The following CFD variants were observed in gnomAD, a reference collection of about 807,000 sequenced individuals.
CFD encodes C3 convertase activator.
A neutral mutation model predicts 21.1 loss-of-function variants in CFD; 24 were observed. That is an observed-to-expected ratio of 1.14 (90% CI 0.82 to 1.60). CFD has a LOEUF of 1.60. CFD is among the 40% of genes most tolerant of loss of function. The pLI, the probability that CFD is intolerant of heterozygous loss-of-function variation, is 0.00. For missense variants in CFD, 535 were observed against 383.3 expected (o/e 1.40, Z -3.31); for synonymous variants, 242 against 175.9 (o/e 1.38, Z -2.97).
At position 860,751 on chromosome 19, in the gene CFD, G is replaced by T; in HGVS notation, c.190G>T (p.Ala64Ser). ...GGTGGCGGAGCAGTGGGTGCTGAGC[G>T]CGGCGCACTGCCTGGAGGACGCGTG... is the stretch of plus-strand genomic sequence containing the variant. ...VLVAEQWVLS[A>S]AHCLEDAADG... is the part of the protein sequence containing the mutation. Residue 64 changes from alanine to serine, a missense_variant, in exon 2 of 5, where the codon GCG becomes TCG. Coordinates refer to ENST00000327726, the MANE Select transcript of CFD (RefSeq NM_001928.4). The T allele has an allele frequency of 1.3e-6, 2 of 1,567,266 alleles. No individual in the cohort carries two copies. The highest frequency in any genetic ancestry group is 1.7e-6 in the Non-Finnish European group (2 of 1,165,908).
Position 861,850 on chromosome 19 carries a change from T to C in CFD, c.509T>C (p.Leu170Pro), listed in dbSNP as rs2035800359. Residue 170 changes from leucine (L) to proline (P), a missense_variant, in exon 4 of 5, where the codon CTC (leucine) becomes CCC (proline). Physicochemically the swap from Leu to Pro is moderately conservative, Grantham distance 98. Transcript: ENST00000327726. ...CGCCCGGACAGCCTGCAGCACGTGC[T>C]CTTGCCAGTGCTGGACCGCGCCACC... The part of the protein sequence containing the change: ...GRRPDSLQHV[L>P]LPVLDRATCN... The C allele has an allele frequency of 1.9e-6, 3 of 1,599,268 alleles. No individual in the cohort carries two copies. The highest frequency in any genetic ancestry group is 1.7e-6 in the Non-Finnish European group (2 of 1,178,296).
Position 860,966 on chromosome 19 carries a change from C to G in CFD, c.318C>G (p.Ser106Arg). ...DVLRAVPHPDSQPDTIDHDLL... is the reference protein window; with the variant it reads ...DVLRAVPHPDRQPDTIDHDLL... ...TCCGCGCAGTGCCCCACCCGGACAGCCAGCCCGACACCATCGACCACGACC... is the reference window on the plus strand; with the variant it reads ...TCCGCGCAGTGCCCCACCCGGACAGGCAGCCCGACACCATCGACCACGACC... The change falls in exon 3 of 5, where the codon AGC (serine) becomes AGG (arginine). Residue 106 changes from serine (S) to arginine (R), a missense_variant. Physicochemically the swap from Ser to Arg is moderately radical, Grantham distance 110 (BLOSUM62 -1). Coordinates refer to ENST00000327726, the MANE Select transcript of CFD (RefSeq NM_001928.4). 6.2e-7 allele frequency: 1 copy of G among 1,600,274 alleles called. No individual in the cohort carries two copies. The highest frequency in any genetic ancestry group is 8.5e-7 in the Non-Finnish European group (1 of 1,179,556).
At position 863,402 on chromosome 19, in the gene CFD, G is replaced by A. The variant is rs1228637904; in HGVS notation, c.*164G>A. The A allele has an allele frequency of 4.2e-5, 32 of 761,536 alleles. No individual in the cohort carries two copies. The highest frequency in any genetic ancestry group is 6.6e-6 in the Non-Finnish European group (3 of 455,246). The allele number at this position is 761,536 out of a possible 1,614,324, so 47.2% of individuals were successfully genotyped here. On this transcript the variant is annotated 3_prime_UTR_variant, in exon 5 of 5. Transcript: ENST00000327726. The stretch of plus-strand genomic sequence containing the variant: ...TCTCAGGAGTTCGAGATCAGCATGG[G>A]CCACGTAGCGCGACTCCATCTCTAC...
At position 860,576 on chromosome 19, in the gene CFD, G is replaced by C. The variant is rs1021495893; in HGVS notation, c.56-41G>C. ...CCGTCAGGCAGCCTCGCCCGGGGGA[G>C]GAGTCCACCCCGCGGCCCTCACGCG... On this transcript the variant is annotated intron_variant, in intron 1 of 4. Coordinates refer to ENST00000327726, the MANE Select transcript of CFD (RefSeq NM_001928.4). 5 of 1,387,422 alleles carry C rather than the reference G, an allele frequency of 3.6e-6. No individual in the cohort carries two copies. The South Asian group carries it at 6.3e-5, about 18-fold the overall frequency. 85.9% of individuals were successfully genotyped at this position (1,387,422 alleles called of 1,614,324 possible).
In CFD at chr19:859,800, C is replaced by T. The variant is rs566694789; in HGVS notation, c.55+56C>T. ...AGGGCTGTGTAGGGGCGTGGTGCTC[C>T]CTTCCGTCACACGGACGGTCCTCCA... On this transcript the variant is annotated intron_variant, in intron 1 of 4. Transcript: ENST00000327726. 4.3e-4 allele frequency: 586 copies of T among 1,371,436 alleles called. 7 individuals are homozygous for T. In the African/African-American group the frequency reaches 7.3e-3, roughly 17 times the overall value. 85.0% of individuals were successfully genotyped at this position (1,371,436 alleles called of 1,614,324 possible).
In CFD at chr19:863,402, GC is replaced by G; in HGVS notation, c.*166del. 1.3e-6 allele frequency: 1 copy of G among 761,654 alleles called. No individual in the cohort carries two copies. The highest frequency in any genetic ancestry group is 2.2e-6 in the Non-Finnish European group (1 of 455,236). The allele number at this position is 761,654 out of a possible 1,614,324, so 47.2% of individuals were successfully genotyped here. On this transcript the variant is annotated 3_prime_UTR_variant, in exon 5 of 5. Transcript: ENST00000327726. ...TCTCAGGAGTTCGAGATCAGCATGG[GC>G]CACGTAGCGCGACTCCATCTCTACA...
intron 3 of CFD, 112 bp from the exon 4 acceptor site, chr19:861,587 C>T: frequency 7.5e-7 from 1 of 1,325,508 alleles, no homozygotes; most frequent in South Asian, 1.3e-5. Context: ...CACTGAGACC[C>T]ACGCCCCTGC....
At chr19:861,170 CTCT>C (rs2035786825) in intron 3 of CFD, among the ~76,000 whole-genome samples, 165 bp downstream of exon 3, 2 of 131,174 alleles carry the variant, frequency 1.5e-5, no homozygotes, top group Non-Finnish European at 1.7e-5. Flanking sequence ...GCCTCGACCT[CTCT>C]TGCTGCGCTC....
intron 3 of CFD, 39 bp from the exon 4 acceptor site, chr19:861,660 C>T (rs996265935): frequency 9.6e-6 from 15 of 1,569,034 alleles, no homozygotes; most frequent in Non-Finnish European, 1.2e-5. Context: ...CAGCCTCGCA[C>T]CCCCGCACCC....
In CFD at chr19:863,492, C is replaced by T; in HGVS notation, c.*254C>T. Reference sequence around the variant, plus strand: ...AGGTGGGTGCTTGTAGTTCCAGCTACTCAGGAGGCTGAGGTGGGAGGATGA... The same window carrying T: ...AGGTGGGTGCTTGTAGTTCCAGCTATTCAGGAGGCTGAGGTGGGAGGATGA... On this transcript the variant is annotated 3_prime_UTR_variant, in exon 5 of 5. Transcript: ENST00000327726. The T allele has an allele frequency of 1.8e-6, 1 of 547,770 alleles. No homozygotes were observed. The highest frequency in any genetic ancestry group is 2.0e-5 in the South Asian group (1 of 49,906). The allele number at this position is 547,770 out of a possible 1,614,324, so 33.9% of individuals were successfully genotyped here. A position where few individuals can be genotyped will look rare whatever the true frequency, so the allele number is the denominator to read the frequency against.
chr19:860,758 A>ACTGC lies in CFD; in HGVS notation c.201_204dup (p.Glu69ProfsTer140). On this transcript the variant is annotated frameshift_variant, in exon 2 of 5. Transcript: ENST00000327726. LOFTEE classifies it high-confidence loss of function. ...GAGCAGTGGGTGCTGAGCGCGGCGC[A>ACTGC]CTGCCTGGAGGACGCGTGAGTGCCC... The ACTGC allele has an allele frequency of 1.3e-6, 2 of 1,567,234 alleles. No homozygotes were observed. The highest frequency in any genetic ancestry group is 1.7e-6 in the Non-Finnish European group (2 of 1,165,800).
intron 4 of CFD, among the ~76,000 whole-genome samples, chr19:862,490 G>A (rs2035814894): frequency 7.3e-6 from 1 of 137,328 alleles, no homozygotes; most frequent in African/African-American, 2.7e-5. Context: ...GGGCGGGCAC[G>A]TGGAGGAAGG....
rs928558405 is a variant in CFD, at chr19:863,224, A to G, written c.748A>G (p.Ser250Gly). The G allele has an allele frequency of 1.9e-6, 3 of 1,545,770 alleles. No homozygotes were observed. The African/African-American group carries it at 4.1e-5, about 21-fold the overall frequency. Residue 250 changes from serine (S) to glycine (G), a missense_variant, in exon 5 of 5, where the codon AGC becomes GGC. By Grantham distance (56) the Ser-to-Gly change is moderately conservative. Transcript: ENST00000327726. ...RVASYAAWID[S>G]VLA ...GGCGAGCTATGCGGCCTGGATCGACAGCGTCCTGGCCTAGGGTGCCGGGGC... is the reference window on the plus strand; with the variant it reads ...GGCGAGCTATGCGGCCTGGATCGACGGCGTCCTGGCCTAGGGTGCCGGGGC...
chr19:860,558 G>A, intron 1 of CFD, 59 bp from the exon 2 acceptor site: 2 of 1,359,450 alleles, frequency 1.5e-6, no homozygotes, highest in Non-Finnish European at 9.4e-7. Context: ...ATCCCGTCAG[G>A]CAGCCTCGCC....
In CFD at chr19:860,971, C is replaced by T. The variant is rs1389641197; in HGVS notation, c.323C>T (p.Pro108Leu). 1 of 1,599,808 alleles carries T rather than the reference C, an allele frequency of 6.3e-7. No homozygotes were observed. Among genetic ancestry groups the T allele is most frequent in the African/African-American group, 1.3e-5 (1 of 74,894 alleles). ...LRAVPHPDSQPDTIDHDLLLL... is the reference protein window; with the variant it reads ...LRAVPHPDSQLDTIDHDLLLL... ...GCAGTGCCCCACCCGGACAGCCAGC[C>T]CGACACCATCGACCACGACCTCCTG... The change falls in exon 3 of 5, where the codon CCC becomes CTC. Residue 108 changes from proline to leucine, a missense_variant. Pro to Leu is a moderately conservative substitution (Grantham distance 98, BLOSUM62 -3). Coordinates refer to ENST00000327726, the MANE Select transcript of CFD (RefSeq NM_001928.4).
At chr19:862,101 A>G in intron 4 of CFD, 145 bp downstream of exon 4, 5 of 963,122 alleles carry the variant, frequency 5.2e-6, no homozygotes, top group South Asian at 2.0e-5. Flanking sequence ...AGATGGGCGG[A>G]GCATGAGGGT....
chr19:863,113 G>T lies in CFD; in HGVS notation c.637G>T (p.Val213Leu). 2 of 1,527,358 alleles carry T rather than the reference G, an allele frequency of 1.3e-6. No homozygotes were observed. Among genetic ancestry groups the T allele is most frequent in the Non-Finnish European group, 1.8e-6 (2 of 1,139,786 alleles). 94.6% of individuals were successfully genotyped at this position (1,527,358 alleles called of 1,614,324 possible). A position where few individuals can be genotyped will look rare whatever the true frequency, so the allele number is the denominator to read the frequency against. Residue 213 changes from valine to leucine, a missense_variant, in exon 5 of 5, where the codon GTG becomes TTG. Coordinates refer to ENST00000327726, the MANE Select transcript of CFD (RefSeq NM_001928.4). ...GCAGGGTGACTCCGGGGGCCCGCTG[G>T]TGTGCGGGGGCGTGCTCGAGGGCGT... is the stretch of plus-strand genomic sequence containing the variant. ...SCKGDSGGPL[V>L]CGGVLEGVVT...
At chr19:860,829 GGC>G in intron 2 of CFD, 30 bp from the exon 3 acceptor site, 2 of 1,556,058 alleles carry the variant, frequency 1.3e-6, no homozygotes, top group Non-Finnish European at 1.7e-6. Flanking sequence ...GGAGTCGGCT[GGC>G]ACCGACCGCG....
chr19:861,566 C>A, intron 3 of CFD, 133 bp from the exon 4 acceptor site: 1 of 898,882 alleles, frequency 1.1e-6, no homozygotes, highest in Non-Finnish European at 1.6e-6. Context: ...TAGCCTAAAT[C>A]TCTCCTGCTG....
Sources: gnomAD v4.1 joint callset for allele counts (sites outside exome capture counted in the v4.1 genomes callset) on GRCh38, gnomAD v4.1.1 for gene constraint, MANE v1.5 for transcripts, NCBI Gene and HGNC (gene_info 2026-07-23, HGNC 2026-07-21) for gene names.